Variants in RYR2 observed in about 807,000 individuals in gnomAD.
The protein encoded by RYR2 is ryanodine receptor 2.
RYR2 carries 227 observed loss-of-function variants against 601.1 expected under a neutral mutation model. The ratio of observed to expected loss-of-function variants is 0.38; its 90% CI spans 0.34 to 0.42. The LOEUF is 0.42. Among genes scored for constraint, RYR2 ranks in the 10% least tolerant of loss-of-function variants. The pLI is 1.00. For missense variants in RYR2, 4,646 were observed against 6,156.5 expected (o/e 0.75, Z 8.21); for synonymous variants, 2,223 against 2,175.1 (o/e 1.02, Z -0.61).
intron 17 of RYR2, among the ~76,000 whole-genome samples, chr1:237,469,961 G>A (rs1297499205): frequency 6.6e-6 from 1 of 152,142 alleles, no homozygotes; most frequent in Non-Finnish European, 1.5e-5. Flanking sequence ...TCAGTTATTT[G>A]AACTTGTTAG....
intron 27 of RYR2, among the ~76,000 whole-genome samples, chr1:237,565,051 T>C (rs1478460862): frequency 6.6e-6 from 1 of 152,214 alleles, no homozygotes; most frequent in Non-Finnish European, 1.5e-5. Flanking sequence ...GCATAAAGTC[T>C]TTCCCAAATC....
At chr1:237,092,871 G>T (rs757459187) in intron 1 of RYR2, among the ~76,000 whole-genome samples, 4 of 152,096 alleles carry the variant, frequency 2.6e-5, no homozygotes, top group African/African-American at 4.8e-5. Flanking sequence ...AATTCAACTT[G>T]CTTCCTTCAC....
chr1:237,532,319 C>T (rs1020513210), intron 25 of RYR2, among the ~76,000 whole-genome samples: 7 of 152,086 alleles, frequency 4.6e-5, no homozygotes, highest in South Asian at 2.1e-4. Flanking sequence ...TTGCATTCTT[C>T]GTTCACATAA....
At chr1:237,123,897 G>A (rs1320863697) in intron 1 of RYR2, among the ~76,000 whole-genome samples, 1 of 151,908 alleles carries the variant, frequency 6.6e-6, no homozygotes, top group East Asian at 1.9e-4. Flanking sequence ...TCGATCTCCT[G>A]ACCTCATGAT....
intron 3 of RYR2, among the ~76,000 whole-genome samples, chr1:237,349,938 T>C (rs866232191): frequency 1.4e-4 from 22 of 152,136 alleles, no homozygotes; most frequent in Admixed American, 8.5e-4. Flanking sequence ...CCAAAAAGCA[T>C]TGAAATTGTG....
intron 80 of RYR2, among the ~76,000 whole-genome samples, chr1:237,748,429 G>A (rs1692262541): frequency 6.6e-6 from 1 of 152,104 alleles, no homozygotes; most frequent in Admixed American, 6.5e-5. Flanking sequence ...AACCCCTGGG[G>A]AAGCCAGAGC....
At chr1:237,213,719 T>G (rs746076763) in intron 1 of RYR2, among the ~76,000 whole-genome samples, 1 of 152,006 alleles carries the variant, frequency 6.6e-6, no homozygotes, top group Admixed American at 6.6e-5. Context: ...CTTTTACATT[T>G]TTATGTAGTC....
At chr1:237,717,400 T>C in intron 72 of RYR2, 32 bp downstream of exon 72, 1 of 1,525,648 alleles carries the variant, frequency 6.6e-7, no homozygotes, top group Non-Finnish European at 8.9e-7. Context: ...GCGGTAATGA[T>C]CATCTGACCT....
intron 2 of RYR2, among the ~76,000 whole-genome samples, chr1:237,311,671 A>T (rs1694581512): frequency 6.6e-6 from 1 of 151,356 alleles, no homozygotes; most frequent in African/African-American, 2.4e-5. Flanking sequence ...TAGAGTTGGG[A>T]TTTCACCATG....
chr1:237,562,904 G>T (rs1330517778), intron 27 of RYR2, among the ~76,000 whole-genome samples: 2 of 152,094 alleles, frequency 1.3e-5, no homozygotes, highest in Admixed American at 1.3e-4. Flanking sequence ...ATACAGTTTG[G>T]CAGGTATATA....
chr1:237,687,890 C>T (rs1168932260), intron 63 of RYR2, among the ~76,000 whole-genome samples: 1 of 151,996 alleles, frequency 6.6e-6, no homozygotes, highest in Non-Finnish European at 1.5e-5. Context: ...TTTTAAACTG[C>T]ACTTATTTTT....
intron 2 of RYR2, among the ~76,000 whole-genome samples, chr1:237,299,169 G>C (rs1572519112): frequency 7.4e-6 from 1 of 134,274 alleles, no homozygotes; most frequent in African/African-American, 2.7e-5. Context: ...CATAGGTTTT[G>C]GCCTAAATGA....
chr1:237,689,276 G>A (rs1686725578), intron 63 of RYR2, among the ~76,000 whole-genome samples: 1 of 151,964 alleles, frequency 6.6e-6, no homozygotes, highest in South Asian at 2.1e-4. Flanking sequence ...TCTAATACAA[G>A]CAAATAAAAA....
rs1022230587 is a variant in RYR2, at chr1:237,503,218, A to G, written c.2397-71A>G. 1.3e-5 allele frequency: 18 copies of G among 1,387,094 alleles called. No homozygotes were observed. The East Asian group carries it at 2.8e-4, about 21-fold the overall frequency. 85.9% of individuals were successfully genotyped at this position (1,387,094 alleles called of 1,614,324 possible). On this transcript the variant is annotated intron_variant, in intron 21 of 104. Coordinates refer to ENST00000366574, the MANE Select transcript of RYR2 (RefSeq NM_001035.3). ...ACTTTTGTACTAACAATTTTTCCCT[A>G]AGATTTTGTGAATTAGAAAACTTTA...
In RYR2 at chr1:237,491,835, G is replaced by T. The variant is rs1572569244; in HGVS notation, c.1738G>T (p.Val580Leu). 2.7e-6 allele frequency: 4 copies of T among 1,480,224 alleles called. No individual in the cohort carries two copies. Among genetic ancestry groups the T allele is most frequent in the Non-Finnish European group, 3.7e-6 (4 of 1,079,034 alleles). 91.7% of individuals were successfully genotyped at this position (1,480,224 alleles called of 1,614,324 possible). ...TCTGGAAGTTTTACACTGTGTTTTA[G>T]TAGAAAGTCCAGAAGCTCTAAATAT... ...GILEVLHCVL[V>L]ESPEALNIIK... The change falls in exon 18 of 105, where the codon GTA becomes TTA. Residue 580 changes from valine to leucine, a missense_variant. This residue lies in a region of RYR2 where 1,807 missense variants were observed against 2,088.1 expected (regional missense o/e 0.87). Transcript: ENST00000366574.
intron 1 of RYR2, among the ~76,000 whole-genome samples, chr1:237,105,479 T>C (rs182789304): frequency 1.1e-3 from 168 of 152,162 alleles, no homozygotes; most frequent in African/African-American, 3.8e-3. Flanking sequence ...GGCAGGTCAC[T>C]TGAAGTCAGG....
chr1:237,476,085 C>A (rs1340507098), intron 17 of RYR2, among the ~76,000 whole-genome samples: 1 of 152,186 alleles, frequency 6.6e-6, no homozygotes, highest in Non-Finnish European at 1.5e-5. Context: ...CTGAGTTTGA[C>A]TTTTTGTGTA....
At position 237,610,827 on chromosome 1, in the gene RYR2, C is replaced by T. The variant is rs914743349; in HGVS notation, c.4749C>T (p.Pro1583=). 1.9e-6 allele frequency: 3 copies of T among 1,612,470 alleles called. No homozygotes were observed. The highest frequency in any genetic ancestry group is 1.1e-5 in the South Asian group (1 of 90,654). ...SEHKNPVPQC[P]PRLHVQFLSH... is the part of the protein sequence containing the mutation. ...ACAAGAACCCCGTGCCGCAGTGCCC[C>T]CCGCGCCTCCACGTGCAGTTCCTGT... Residue 1583 remains proline (P), a synonymous_variant, in exon 36 of 105, where the codon CCC becomes CCT. Transcript: ENST00000366574. The surrounding 1 kb of genome is among the most constrained non-coding windows in gnomAD (Gnocchi z 4.9).
chr1:237,449,309 G>A (rs2150186625), intron 14 of RYR2, among the ~76,000 whole-genome samples: 1 of 152,082 alleles, frequency 6.6e-6, no homozygotes, highest in Admixed American at 6.6e-5. Flanking sequence ...GTATTTTAGT[G>A]GTTACTTACG....
Sources: gnomAD v4.1 joint callset for allele counts (sites outside exome capture counted in the v4.1 genomes callset) on GRCh38, gnomAD v4.1.1 for gene constraint, gnomAD v4.1.1 regional missense constraint, Gnocchi (gnomAD v3.1) non-coding constraint, MANE v1.5 for transcripts, NCBI Gene and HGNC (gene_info 2026-07-23, HGNC 2026-07-21) for gene names.